The following LRRC8B variants were observed in gnomAD, a reference collection of about 807,000 sequenced individuals.
LRRC8B encodes leucine rich repeat containing 8 VRAC subunit B.
LRRC8B carries 23 observed loss-of-function variants against 58.8 expected under a neutral mutation model. The ratio of observed to expected loss-of-function variants is 0.39; its 90% confidence interval spans 0.28 to 0.55. The LOEUF (loss-of-function observed/expected upper bound fraction) is 0.55. Ranked by LOEUF, LRRC8B falls within the 20% of genes least tolerant of loss-of-function variation. LRRC8B has a pLI of 0.62. For synonymous variants in LRRC8B, 359 were observed against 374.1 expected (o/e 0.96, Z 0.47); for missense variants, 694 against 936.0 (o/e 0.74, Z 3.37).
At chr1:89,565,923 C>T (rs915594397) in intron 1 of LRRC8B, among the ~76,000 whole-genome samples, 4 of 152,130 alleles carry the variant, frequency 2.6e-5, no homozygotes, top group East Asian at 1.9e-4. Context: ...CCTCTGGGTC[C>T]GCCTTTTGCC....
intron 1 of LRRC8B, among the ~76,000 whole-genome samples, chr1:89,531,291 A>C (rs917329079): frequency 2.0e-5 from 3 of 152,266 alleles, no homozygotes; most frequent in Non-Finnish European, 2.9e-5. Flanking sequence ...AAGTGATAAT[A>C]GCTTCACAGG....
chr1:89,530,370 AAATAAATAAAT>A, intron 1 of LRRC8B, among the ~76,000 whole-genome samples: 1 of 124,066 alleles, frequency 8.1e-6, no homozygotes, highest in East Asian at 2.0e-4. Flanking sequence ...AAAAATAAAT[AAATAAATAAAT>A]AATAAATAAA....
Position 89,584,700 on chromosome 1 carries a change from T to C in LRRC8B, c.2050T>C (p.Leu684=), listed in dbSNP as rs1308473772. 1.2e-6 allele frequency: 2 copies of C among 1,613,988 alleles called. No homozygotes were observed. The highest frequency in any genetic ancestry group is 3.3e-5 in the Admixed American group (2 of 60,024). ...TTTCCTATGCACTAAACTACATTAT[T>C]TGGATCTAAGCTATAACCACTTGAC... ...QLFLCTKLHY[L]DLSYNHLTFI... is the part of the protein sequence containing the mutation. The change falls in exon 5 of 6, where the codon TTG becomes CTG. Residue 684 remains leucine (L), a synonymous_variant. Coordinates refer to ENST00000330947, the MANE Select transcript of LRRC8B (RefSeq NM_001369817.2).
At position 89,532,619 on chromosome 1, in the gene LRRC8B, C is replaced by T. The variant is rs192961293; in HGVS notation, c.-241+7597C>T. On this transcript the variant is annotated intron_variant, in intron 1 of 5. Coordinates refer to ENST00000330947, the MANE Select transcript of LRRC8B (RefSeq NM_001369817.2). ...CTCCTGGCACCCTGTGAAGAGATGC[C>T]TTCCATCATGATTGTAAGTCTCCTG... is the stretch of plus-strand genomic sequence containing the variant. Among the ~76,000 whole-genome samples, 7 of 152,280 alleles carry T rather than the reference C, an allele frequency of 4.6e-5. No individual in the cohort carries two copies. In the East Asian group the frequency reaches 1.2e-3, roughly 25 times the overall value.
intron 1 of LRRC8B, among the ~76,000 whole-genome samples, chr1:89,535,688 A>G (rs1273457116): frequency 1.3e-5 from 2 of 152,286 alleles, no homozygotes; most frequent in African/African-American, 4.8e-5. Context: ...CCATTATTAG[A>G]CTAGATACAA....
chr1:89,552,104 T>G (rs1253708520), intron 1 of LRRC8B, among the ~76,000 whole-genome samples: 1 of 152,208 alleles, frequency 6.6e-6, no homozygotes, highest in Non-Finnish European at 1.5e-5. Context: ...CAGTGTCTAA[T>G]AGGGGCTACC....
At chr1:89,536,128 A>G (rs1261180151) in intron 1 of LRRC8B, among the ~76,000 whole-genome samples, 2 of 152,204 alleles carry the variant, frequency 1.3e-5, no homozygotes, top group East Asian at 3.8e-4. Flanking sequence ...ATCACTTACT[A>G]TGATAGACAT....
chr1:89,590,110 A>G (rs1176648586), intron 5 of LRRC8B, among the ~76,000 whole-genome samples: 1 of 152,152 alleles, frequency 6.6e-6, no homozygotes, highest in South Asian at 2.1e-4. Context: ...AAGCTTTCCC[A>G]TTGGTTTTTT....
intron 1 of LRRC8B, among the ~76,000 whole-genome samples, chr1:89,559,560 C>T (rs1652454415): frequency 1.3e-5 from 2 of 150,110 alleles, no homozygotes; most frequent in Admixed American, 6.6e-5. Flanking sequence ...GAGCCATGAC[C>T]GCAACACTGC....
chr1:89,559,857 A>G (rs1400800727), intron 1 of LRRC8B, among the ~76,000 whole-genome samples: 1 of 152,178 alleles, frequency 6.6e-6, no homozygotes, highest in African/African-American at 2.4e-5. Context: ...CAAAGAGACC[A>G]GTTTATGAGT....
Position 89,583,958 on chromosome 1 carries a change from C to G in LRRC8B, c.1308C>G (p.Val436=), listed in dbSNP as rs780422258. Residue 436 remains valine (V), a synonymous_variant, in exon 5 of 6, where the codon GTC becomes GTG. Coordinates refer to ENST00000330947, the MANE Select transcript of LRRC8B (RefSeq NM_001369817.2). The surrounding 1 kb of genome is among the most constrained non-coding windows in gnomAD (Gnocchi z 5.2). ...TGCTCAACGGTCTTCCAGACAATGT[C>G]TTTGAGTTAACTGAAATGGAAGTGC... ...LFMLNGLPDN[V]FELTEMEVLS... is the part of the protein sequence containing the mutation. 2.4e-5 allele frequency: 38 copies of G among 1,614,060 alleles called. No individual in the cohort carries two copies. The South Asian group carries it at 4.2e-4, about 18-fold the overall frequency.
chr1:89,582,412 C>T (rs1654297591), intron 4 of LRRC8B, among the ~76,000 whole-genome samples: 1 of 152,106 alleles, frequency 6.6e-6, no homozygotes, highest in African/African-American at 2.4e-5. Flanking sequence ...ACTAAATGGT[C>T]CCCCATCTAA....
At chr1:89,533,787 A>T (rs940811472) in intron 1 of LRRC8B, among the ~76,000 whole-genome samples, 1 of 152,228 alleles carries the variant, frequency 6.6e-6, no homozygotes, top group African/African-American at 2.4e-5. Flanking sequence ...AGAATTAGGG[A>T]ATACAATTAG....
intron 4 of LRRC8B, among the ~76,000 whole-genome samples, chr1:89,580,603 T>C (rs755826579): frequency 2.0e-5 from 3 of 152,136 alleles, no homozygotes; most frequent in African/African-American, 7.2e-5. Flanking sequence ...TTAGTTTCTG[T>C]CTTACCTCGA....
At chr1:89,557,906 A>G (rs1336029471) in intron 1 of LRRC8B, among the ~76,000 whole-genome samples, 1 of 152,184 alleles carries the variant, frequency 6.6e-6, no homozygotes. Context: ...TTACTCTAAC[A>G]TGTGCAGGGT....
intron 3 of LRRC8B, among the ~76,000 whole-genome samples, chr1:89,578,865 C>T (rs1654035497): frequency 6.6e-6 from 1 of 152,082 alleles, no homozygotes; most frequent in South Asian, 2.1e-4. Flanking sequence ...TTAACTATCA[C>T]AAATTATTGA....
In LRRC8B at chr1:89,543,314, T is replaced by A. The variant is rs1265071406; in HGVS notation, c.-241+18292T>A. ...TCATGGGTAACAATACTCAAAGTAT[T>A]CAAAGTAACATAAGTCTAAGGTATA... On this transcript the variant is annotated intron_variant, in intron 1 of 5. Coordinates refer to ENST00000330947, the MANE Select transcript of LRRC8B (RefSeq NM_001369817.2). Among the ~76,000 whole-genome samples, 20 of 152,232 alleles carry A rather than the reference T, an allele frequency of 1.3e-4. 1 individual carries two copies. Among genetic ancestry groups the A allele is most frequent in the Admixed American group, 6.5e-4 (10 of 15,286 alleles).
intron 1 of LRRC8B, among the ~76,000 whole-genome samples, chr1:89,536,751 C>G (rs4658109): frequency 0.19 from 28,698 of 152,004 alleles, 3,127 homozygotes; most frequent in Admixed American, 0.3. Context: ...GGGGTGGGCA[C>G]TTTTGATACC....
chr1:89,575,619 C>A (rs562693068), intron 3 of LRRC8B, among the ~76,000 whole-genome samples: 2 of 152,212 alleles, frequency 1.3e-5, no homozygotes, highest in African/African-American at 4.8e-5. Flanking sequence ...TTGCTGAGTT[C>A]TTGCCTCTTC....
Sources: allele counts gnomAD v4.1 joint callset (sites outside exome capture counted in the v4.1 genomes callset), GRCh38; gene constraint gnomAD v4.1.1; non-coding constraint Gnocchi (gnomAD v3.1); transcripts MANE v1.5; gene names NCBI Gene and HGNC (gene_info 2026-07-23, HGNC 2026-07-21).